The following TBC1D32 variants were observed in gnomAD, a reference collection of about 807,000 sequenced individuals.
TBC1D32 encodes the protein protein broad-minded.
In TBC1D32, 151 loss-of-function variants were observed where a neutral mutation model predicts 170.3. The ratio of observed to expected loss-of-function variants is 0.89; its 90% CI spans 0.78 to 1.01. The LOEUF (loss-of-function observed/expected upper bound fraction) is 1.01, where lower values mean the gene tolerates loss of function less well. TBC1D32 is among the 50% of genes least tolerant of loss of function. TBC1D32 has a pLI of 0.00. For synonymous variants in TBC1D32, 498 were observed against 488.0 expected, an observed-to-expected ratio of 1.02 and a Z score of -0.27; for missense variants, 1,464 against 1,457.1, an observed-to-expected ratio of 1.00 and a Z score of -0.08.
At chr6:121,081,587 T>C (rs1173548653) in intron 31 of TBC1D32, among the ~76,000 whole-genome samples, 1 of 151,956 alleles carries the variant, frequency 6.6e-6, no homozygotes, top group African/African-American at 2.4e-5. Flanking sequence ...ACAAAAACTT[T>C]GGAAAATTCA....
chr6:121,136,398 G>A (rs894535810), intron 24 of TBC1D32, among the ~76,000 whole-genome samples: 5 of 152,128 alleles, frequency 3.3e-5, no homozygotes, highest in Non-Finnish European at 5.9e-5. Flanking sequence ...AGTGGACATG[G>A]TTTTGCTCCC....
intron 17 of TBC1D32, among the ~76,000 whole-genome samples, chr6:121,251,403 A>G (rs11505181): frequency 0.012 from 1,803 of 152,164 alleles, 47 homozygotes; most frequent in African/African-American, 0.042. Flanking sequence ...ATAACACCAC[A>G]TATCCATAAC....
At chr6:121,132,143 T>C (rs1562589190) in intron 24 of TBC1D32, among the ~76,000 whole-genome samples, 1 of 152,014 alleles carries the variant, frequency 6.6e-6, no homozygotes, top group Non-Finnish European at 1.5e-5. Context: ...AATTTTTTAT[T>C]CACTTCTTTA....
At chr6:121,287,044 A>G (rs1803972804) in intron 12 of TBC1D32, among the ~76,000 whole-genome samples, 1 of 152,176 alleles carries the variant, frequency 6.6e-6, no homozygotes, top group Non-Finnish European at 1.5e-5. Context: ...GCCACTGCAA[A>G]AACATGCCAA....
In TBC1D32 at chr6:121,231,483, TA is replaced by T. The variant is rs1008116069; in HGVS notation, c.2364+7586del. Among the ~76,000 whole-genome samples, 31 of 152,330 alleles carry T rather than the reference TA, an allele frequency of 2.0e-4. No homozygotes were observed. In the South Asian group the frequency reaches 3.1e-3, roughly 15 times the overall value. On this transcript the variant is annotated intron_variant, in intron 20 of 31. Coordinates refer to ENST00000398212, the MANE Select transcript of TBC1D32 (RefSeq NM_152730.6). ...AATAGTAGATCTACTTTTAGTTCTT[TA>T]AGGAATCTCCACGCTGTTTCCCATA...
In TBC1D32 at chr6:121,113,074, T is replaced by A. The variant is rs772514749; in HGVS notation, c.3157A>T (p.Lys1053Ter). ...RFLKQQQTSIKSSLLCLQGNY... is the reference protein window; with the variant it reads ...RFLKQQQTSI ...TCAAAAAGGATATGAAGAGAAGATT[T>A]TATGGAAGTTTGCTGCTGTTTCAGG... The change falls in exon 28 of 32, where the codon AAA (lysine) becomes TAA (stop). Residue 1053 changes from lysine (K) to a stop codon, truncating the protein, a stop_gained. Coordinates refer to ENST00000398212, the MANE Select transcript of TBC1D32 (RefSeq NM_152730.6). LOFTEE classifies it high-confidence loss of function. 118 of 1,607,194 alleles carry A rather than the reference T, an allele frequency of 7.3e-5. No individual in the cohort carries two copies. Among genetic ancestry groups the A allele is most frequent in the Non-Finnish European group, 1.0e-4 (118 of 1,177,742 alleles).
At chr6:121,152,116 G>A (rs1258755037) in intron 24 of TBC1D32, among the ~76,000 whole-genome samples, 1 of 152,108 alleles carries the variant, frequency 6.6e-6, no homozygotes, top group South Asian at 2.1e-4. Flanking sequence ...TCACATTTTG[G>A]TTTGTTTTTG....
intron 22 of TBC1D32, among the ~76,000 whole-genome samples, chr6:121,188,343 T>A (rs1406366356): frequency 6.6e-6 from 1 of 152,116 alleles, no homozygotes; most frequent in East Asian, 1.9e-4. Flanking sequence ...TATGTAATTA[T>A]TAACTCCAAG....
At chr6:121,218,566 A>G (rs1321425545) in intron 21 of TBC1D32, among the ~76,000 whole-genome samples, 1 of 152,170 alleles carries the variant, frequency 6.6e-6, no homozygotes, top group East Asian at 1.9e-4. Context: ...CCCTCTAATC[A>G]GCTGTCTGTG....
At chr6:121,296,069 A>G (rs2128469105) in intron 10 of TBC1D32, among the ~76,000 whole-genome samples, 1 of 152,254 alleles carries the variant, frequency 6.6e-6, no homozygotes, top group East Asian at 1.9e-4. Flanking sequence ...AAAAACAAAA[A>G]CCAGGCACTG....
intron 2 of TBC1D32, among the ~76,000 whole-genome samples, chr6:121,318,527 A>G (rs916760514): frequency 1.3e-5 from 2 of 152,040 alleles, no homozygotes; most frequent in Admixed American, 6.6e-5. Context: ...AAAAAGGCAT[A>G]AAGATGTAAG....
At chr6:121,329,604 A>C (rs1433867518) in intron 1 of TBC1D32, among the ~76,000 whole-genome samples, 2 of 152,158 alleles carry the variant, frequency 1.3e-5, no homozygotes, top group African/African-American at 4.8e-5. Flanking sequence ...GCGAGCTGAG[A>C]TCATGCCATT....
At chr6:121,326,538 G>A (rs1479809393) in intron 1 of TBC1D32, among the ~76,000 whole-genome samples, 1 of 152,132 alleles carries the variant, frequency 6.6e-6, no homozygotes, top group Non-Finnish European at 1.5e-5. Flanking sequence ...AGCAACAGCT[G>A]TAAATAGCAA....
chr6:121,321,906 A>C, intron 1 of TBC1D32, 112 bp from the exon 2 acceptor site: 1 of 1,021,486 alleles, frequency 9.8e-7, no homozygotes, highest in South Asian at 2.1e-5. Context: ...ACTAGGATTA[A>C]ATTAGTCATT....
intron 24 of TBC1D32, among the ~76,000 whole-genome samples, chr6:121,151,026 T>C (rs1784147268): frequency 6.6e-6 from 1 of 152,174 alleles, no homozygotes; most frequent in African/African-American, 2.4e-5. Context: ...TGATCTTAGT[T>C]GTTTCTTGTC....
In TBC1D32 at chr6:121,287,278, C is replaced by A. The variant is rs191018187; in HGVS notation, c.1373-3368G>T. Among the ~76,000 whole-genome samples the A allele has an allele frequency of 3.0e-4, 46 of 152,126 alleles. No individual in the cohort carries two copies. The East Asian group carries it at 3.7e-3, about 12-fold the overall frequency. ...AACCCACCTAACGTACAGAGAAACA[C>A]ATAGGCTGAAAATAAAAGGATGAAG... On this transcript the variant is annotated intron_variant, in intron 12 of 31. Coordinates refer to ENST00000398212, the MANE Select transcript of TBC1D32 (RefSeq NM_152730.6).
At chr6:121,191,084 T>A (rs931770646) in intron 22 of TBC1D32, among the ~76,000 whole-genome samples, 2 of 152,144 alleles carry the variant, frequency 1.3e-5, no homozygotes, top group Non-Finnish European at 2.9e-5. Flanking sequence ...TATATGTGCT[T>A]GGTTAAGATA....
chr6:121,302,310 C>T (rs889242210), intron 9 of TBC1D32, among the ~76,000 whole-genome samples: 10 of 152,108 alleles, frequency 6.6e-5, no homozygotes, highest in South Asian at 4.1e-4. Flanking sequence ...AGGCCCACAA[C>T]GCCAAAAATA....
intron 31 of TBC1D32, among the ~76,000 whole-genome samples, chr6:121,081,691 T>C (rs528898332): frequency 6.6e-6 from 1 of 152,110 alleles, no homozygotes; most frequent in Non-Finnish European, 1.5e-5. Context: ...GCATATCATA[T>C]ACTAGATACT....
Sources: gnomAD v4.1 joint callset for allele counts (sites outside exome capture counted in the v4.1 genomes callset) on GRCh38, gnomAD v4.1.1 for gene constraint, MANE v1.5 for transcripts, NCBI Gene and HGNC (gene_info 2026-07-23, HGNC 2026-07-21) for gene names.